PSMF1: variants seen among roughly 807,000 people sequenced by gnomAD.
PSMF1 encodes proteasome inhibitor subunit 1.
PSMF1 carries 30 observed loss-of-function variants against 29.3 expected under a neutral mutation model. The observed-to-expected ratio is 1.02, with a 90% CI of 0.77 to 1.39. The LOEUF (loss-of-function observed/expected upper bound fraction) is 1.39, where lower values mean the gene tolerates loss of function less well. Ranked by LOEUF, PSMF1 falls within the 40% of genes most tolerant of loss-of-function variation. The pLI is 0.00. For missense variants in PSMF1, 344 were observed against 357.5 expected, an observed-to-expected ratio of 0.96 and a Z score of 0.31; for synonymous variants, 134 against 139.7, an observed-to-expected ratio of 0.96 and a Z score of 0.29.
In PSMF1 at chr20:1,166,899, C is replaced by T. The variant is rs987924292; in HGVS notation, c.*1819C>T. ...GTATTTAAAGGATGATAGAGACCATCAGATAGAAGCAGGGAAGGTAGATAA... is the reference window on the plus strand; with the variant it reads ...GTATTTAAAGGATGATAGAGACCATTAGATAGAAGCAGGGAAGGTAGATAA... On this transcript the variant is annotated 3_prime_UTR_variant, in exon 7 of 7. Transcript: ENST00000335877. 2.6e-5 allele frequency: 4 copies of T among 152,196 alleles called. No individual in the cohort carries two copies. The highest frequency in any genetic ancestry group is 9.7e-5 in the African/African-American group (4 of 41,420). 9.4% of individuals were successfully genotyped at this position (152,196 alleles called of 1,614,324 possible). A position where few individuals can be genotyped will look rare whatever the true frequency, so the allele number is the denominator to read the frequency against.
intron 3 of PSMF1, among the ~76,000 whole-genome samples, chr20:1,132,364 C>T (rs1189983843): frequency 2.0e-5 from 3 of 151,746 alleles, no homozygotes; most frequent in Non-Finnish European, 4.4e-5. Flanking sequence ...CAACCTCTGC[C>T]TCCGGGGTTC....
In PSMF1 at chr20:1,123,125, A is replaced by G. The variant is rs189110296; in HGVS notation, c.130-2373A>G. Among the ~76,000 whole-genome samples the G allele has an allele frequency of 8.8e-4, 134 of 152,266 alleles. 1 individual carries two copies. The highest frequency in any genetic ancestry group is 3.1e-3 in the African/African-American group (128 of 41,562). On this transcript the variant is annotated intron_variant, in intron 1 of 6. Transcript: ENST00000335877. ...TTTGTTTTTCCTCACTCTCATTTCT[A>G]TGCTTCAGGCCTATGAATTTCATTG...
At chr20:1,157,898 T>C (rs1293089862) in intron 4 of PSMF1, among the ~76,000 whole-genome samples, 1 of 152,160 alleles carries the variant, frequency 6.6e-6, no homozygotes, top group Non-Finnish European at 1.5e-5. Flanking sequence ...TACTAAGAGA[T>C]GCCTTAATGG....
chr20:1,151,474 A>G (rs1219493763), intron 4 of PSMF1, among the ~76,000 whole-genome samples: 1 of 152,246 alleles, frequency 6.6e-6, no homozygotes, highest in African/African-American at 2.4e-5. Context: ...ATTTTACACA[A>G]GAGAAAGCTA....
At chr20:1,132,325 G>A (rs553747730) in intron 3 of PSMF1, among the ~76,000 whole-genome samples, 14 of 151,426 alleles carry the variant, frequency 9.2e-5, no homozygotes, top group African/African-American at 3.4e-4. Context: ...GCTCAGGCTG[G>A]AGTGCAGTGG....
At chr20:1,148,117 A>G (rs2086479035) in intron 4 of PSMF1, among the ~76,000 whole-genome samples, 1 of 152,118 alleles carries the variant, frequency 6.6e-6, no homozygotes, top group Admixed American at 6.5e-5. Context: ...GCGTAAAGAG[A>G]CTTGTTTCCC....
intron 1 of PSMF1, among the ~76,000 whole-genome samples, chr20:1,120,964 A>G (rs1466450913): frequency 6.6e-6 from 1 of 152,100 alleles, no homozygotes; most frequent in Admixed American, 6.5e-5. Flanking sequence ...ATCTGCTCCT[A>G]CATTTCTTAC....
chr20:1,142,995 A>G (rs1386074451), intron 4 of PSMF1, among the ~76,000 whole-genome samples: 1 of 152,214 alleles, frequency 6.6e-6, no homozygotes, highest in Non-Finnish European at 1.5e-5. Context: ...AGTGAAAGAA[A>G]TCAAAGAAGA....
chr20:1,116,530 G>A (rs1377972556), upstream of PSMF1, among the ~76,000 whole-genome samples: 1 of 152,232 alleles, frequency 6.6e-6, no homozygotes. Flanking sequence ...CAAAGGGAGT[G>A]ATGGACTATA....
intron 1 of PSMF1, among the ~76,000 whole-genome samples, chr20:1,121,774 T>G (rs1224085277): frequency 6.6e-6 from 1 of 152,216 alleles, no homozygotes; most frequent in Non-Finnish European, 1.5e-5. Context: ...TAAAACTTGA[T>G]TAGAAAACCA....
At chr20:1,149,577 C>T (rs778281791) in intron 4 of PSMF1, among the ~76,000 whole-genome samples, 28 of 152,268 alleles carry the variant, frequency 1.8e-4, no homozygotes, top group Middle Eastern at 3.4e-3. Flanking sequence ...AGAAAATGTC[C>T]GCTATGTAGC....
chr20:1,160,978 T>C, intron 4 of PSMF1: 1 of 409,766 alleles, frequency 2.4e-6, no homozygotes, highest in Non-Finnish European at 4.9e-6. Flanking sequence ...CCTGGACATG[T>C]ACGTGGCAGT....
chr20:1,120,940 A>G (rs2086079059), intron 1 of PSMF1, among the ~76,000 whole-genome samples: 1 of 152,136 alleles, frequency 6.6e-6, no homozygotes, highest in Admixed American at 6.5e-5. Flanking sequence ...ACAAATAAAT[A>G]TCAATCACTG....
Position 1,125,480 on chromosome 20 carries a change from C to T in PSMF1, c.130-18C>T. 2 of 1,591,000 alleles carry T rather than the reference C, an allele frequency of 1.3e-6. No individual in the cohort carries two copies. The highest frequency in any genetic ancestry group is 2.2e-5 in the East Asian group (1 of 44,728). ...TTTGAGTTCATGATCTTTCTCCTCT[C>T]AACTGTGGTCTTCCCAGCCGGGTCC... On this transcript the variant is annotated intron_variant, in intron 1 of 6. Coordinates refer to ENST00000335877, the MANE Select transcript of PSMF1 (RefSeq NM_006814.5).
intron 4 of PSMF1, chr20:1,160,920 G>A (rs2086658795): frequency 4.5e-6 from 2 of 444,638 alleles, no homozygotes; most frequent in Non-Finnish European, 9.0e-6. Context: ...TGAACCCCAA[G>A]GCCAACAGAA....
At chr20:1,153,919 CAT>C (rs2086562768) in intron 4 of PSMF1, among the ~76,000 whole-genome samples, 2 of 151,964 alleles carry the variant, frequency 1.3e-5, no homozygotes, top group South Asian at 2.1e-4. Flanking sequence ...TGTTTTCTAA[CAT>C]AGAAAAAAAA....
At position 1,137,836 on chromosome 20, in the gene PSMF1, T is replaced by A. The variant is rs2122519441; in HGVS notation, c.551+2530T>A. On this transcript the variant is annotated intron_variant, in intron 4 of 6. Transcript: ENST00000335877. ...TTCTGCTTATGTTAAAAAAAGTCTTTATCTGTTAGAGATATACATTGAAGT... is the reference window on the plus strand; with the variant it reads ...TTCTGCTTATGTTAAAAAAAGTCTTAATCTGTTAGAGATATACATTGAAGT... Among the ~76,000 whole-genome samples, 6 of 152,340 alleles carry A rather than the reference T, an allele frequency of 3.9e-5. No homozygotes were observed. The South Asian group carries it at 1.2e-3, about 32-fold the overall frequency.
intron 3 of PSMF1, among the ~76,000 whole-genome samples, chr20:1,131,850 G>C (rs1390671342): frequency 6.6e-6 from 1 of 152,150 alleles, no homozygotes; most frequent in Non-Finnish European, 1.5e-5. Context: ...TCAGGACCTG[G>C]TGGTTTTTTA....
At chr20:1,139,364 T>C (rs778607014) in intron 4 of PSMF1, among the ~76,000 whole-genome samples, 1 of 152,150 alleles carries the variant, frequency 6.6e-6, no homozygotes, top group Admixed American at 6.5e-5. Flanking sequence ...TATATAACAT[T>C]GTACTTGATA....
Sources: gnomAD v4.1 joint callset for allele counts (sites outside exome capture counted in the v4.1 genomes callset) on GRCh38, gnomAD v4.1.1 for gene constraint, MANE v1.5 for transcripts, NCBI Gene and HGNC (gene_info 2026-07-23, HGNC 2026-07-21) for gene names.